Variants in MME observed in about 807,000 individuals in gnomAD.
The protein encoded by MME is membrane metalloendopeptidase.
A neutral mutation model predicts 113.2 loss-of-function variants in MME; 98 were observed. The observed-to-expected ratio is 0.87, with a 90% CI of 0.74 to 1.02. The LOEUF is 1.02. Ranked by LOEUF, MME falls within the 50% of genes least tolerant of loss-of-function variation. MME has a pLI of 0.00. For synonymous variants in MME, 292 were observed against 300.6 expected, an observed-to-expected ratio of 0.97 and a Z score of 0.30; for missense variants, 836 against 896.0, an observed-to-expected ratio of 0.93 and a Z score of 0.86.
chr3:155,168,910 A>T, intron 20 of MME, 113 bp downstream of exon 20: 3 of 880,404 alleles, frequency 3.4e-6, no homozygotes, highest in Non-Finnish European at 5.4e-6. Context: ...GTAAATGATG[A>T]ATAGAAAATG....
chr3:155,088,457 G>T (rs1021965624), intron 3 of MME, among the ~76,000 whole-genome samples: 2 of 152,120 alleles, frequency 1.3e-5, no homozygotes, highest in Non-Finnish European at 2.9e-5. Context: ...GCTGAGGCGG[G>T]CAGATCACCT....
rs3839086 is a variant in MME, at chr3:155,117,605, T to G, written c.654+619T>G. On this transcript the variant is annotated intron_variant, in intron 7 of 22. Coordinates refer to ENST00000360490, the MANE Select transcript of MME (RefSeq NM_007289.4). ...TTTCTTCCTTTTTTTTTTTGTTTTT[T>G]TTTTTTTTTGGTTTCCTGTGTAAGA... Among the ~76,000 whole-genome samples the G allele has an allele frequency of 8.2e-4, 50 of 61,126 alleles. No individual in the cohort carries two copies. The South Asian group carries it at 0.011, about 14-fold the overall frequency. The allele number at this position is 61,126 out of a possible 152,430, so 40.1% of individuals were successfully genotyped here. A position where few individuals can be genotyped will look rare whatever the true frequency, so the allele number is the denominator to read the frequency against.
intron 10 of MME, among the ~76,000 whole-genome samples, chr3:155,140,652 C>T (rs1721008250): frequency 6.6e-6 from 1 of 151,994 alleles, no homozygotes; most frequent in African/African-American, 2.4e-5. Flanking sequence ...GAGTGATCTG[C>T]CGGCCACAGC....
At chr3:155,117,009 T>C (rs1353499552) in intron 7 of MME, 23 bp downstream of exon 7, 6 of 1,227,850 alleles carry the variant, frequency 4.9e-6, no homozygotes, top group Non-Finnish European at 7.2e-6. Context: ...GTCAAATAAC[T>C]AAAGTTACCT....
intron 1 of MME, among the ~76,000 whole-genome samples, chr3:155,052,467 C>CTT (rs1243835585): frequency 6.6e-6 from 1 of 152,250 alleles, no homozygotes; most frequent in African/African-American, 2.4e-5. Context: ...CAATCCTTGT[C>CTT]TTTTGTGCAC....
intron 4 of MME, among the ~76,000 whole-genome samples, chr3:155,115,715 T>G (rs1369274277): frequency 1.3e-5 from 2 of 152,166 alleles, no homozygotes; most frequent in Non-Finnish European, 2.9e-5. Context: ...TGTGAGCCAC[T>G]ATGCCCAGCC....
At chr3:155,075,538 T>TTTTTC (rs1241295260), upstream of MME, among the ~76,000 whole-genome samples, 8 of 152,218 alleles carry the variant, frequency 5.3e-5, no homozygotes, top group Non-Finnish European at 1.0e-4. Flanking sequence ...TTAATTTTGT[T>TTTTTC]TTTTCTTTCT....
intron 8 of MME, among the ~76,000 whole-genome samples, chr3:155,133,062 A>AATATGTATATATATATATATATATATAT (rs1720289393): frequency 2.0e-4 from 15 of 75,076 alleles, no homozygotes; most frequent in African/African-American, 9.9e-4. Context: ...AAAAAAAAAA[A>AATATGTATATATATATATATATATATAT]ATATATATAT....
At chr3:155,038,531 G>A (rs756102584) in intron 1 of MME, among the ~76,000 whole-genome samples, 23 of 152,000 alleles carry the variant, frequency 1.5e-4, no homozygotes, top group Non-Finnish European at 3.2e-4. Context: ...TATCCTTATT[G>A]AGCAACTAGA....
intron 3 of MME, among the ~76,000 whole-genome samples, chr3:155,088,231 C>G (rs1715941136): frequency 1.3e-5 from 2 of 152,050 alleles, no homozygotes; most frequent in Admixed American, 1.3e-4. Flanking sequence ...CACACACACA[C>G]AGTCTTCTGC....
In MME at chr3:155,180,587, C is replaced by A. The variant is rs1712996722; in HGVS notation, c.*128C>A. The A allele has an allele frequency of 2.7e-6, 2 of 751,358 alleles. No individual in the cohort carries two copies. The highest frequency in any genetic ancestry group is 4.9e-6 in the Non-Finnish European group (2 of 410,578). The allele number at this position is 751,358 out of a possible 1,614,324, so 46.5% of individuals were successfully genotyped here. A position where few individuals can be genotyped will look rare whatever the true frequency, so the allele number is the denominator to read the frequency against. On this transcript the variant is annotated 3_prime_UTR_variant, in exon 23 of 23. Transcript: ENST00000360490. ...ACTTGAGGGTGATTAACAGAGAGGG[C>A]ACCATCACAATACAGATAACATTAG... is the stretch of plus-strand genomic sequence containing the variant.
At chr3:155,115,370 G>A (rs900776821) in intron 4 of MME, among the ~76,000 whole-genome samples, 3 of 152,148 alleles carry the variant, frequency 2.0e-5, no homozygotes, top group Non-Finnish European at 4.4e-5. Flanking sequence ...TCATTTGTAG[G>A]TATGCAAATA....
intron 1 of MME, among the ~76,000 whole-genome samples, chr3:155,059,561 C>G (rs995258719): frequency 1.3e-5 from 2 of 151,982 alleles, no homozygotes; most frequent in African/African-American, 4.8e-5. Context: ...TAACTTGCAT[C>G]GAGGAGACAA....
intron 1 of MME, among the ~76,000 whole-genome samples, chr3:155,030,284 A>G (rs892017303): frequency 6.6e-6 from 1 of 152,108 alleles, no homozygotes; most frequent in Admixed American, 6.6e-5. Flanking sequence ...ACAAATGGAG[A>G]TTTTCTTTGT....
upstream of MME, among the ~76,000 whole-genome samples, chr3:155,077,413 G>A (rs995945650): frequency 6.6e-6 from 1 of 152,112 alleles, no homozygotes; most frequent in African/African-American, 2.4e-5. Context: ...GACCACCTCA[G>A]TAAGCCTCAG....
chr3:155,062,741 A>G (rs1714189156), intron 1 of MME, among the ~76,000 whole-genome samples: 1 of 152,102 alleles, frequency 6.6e-6, no homozygotes, highest in Non-Finnish European at 1.5e-5. Context: ...AAATATTGAC[A>G]CACAAATGGA....
chr3:155,070,501 G>A (rs1714515997), intron 1 of MME, among the ~76,000 whole-genome samples: 2 of 152,166 alleles, frequency 1.3e-5, no homozygotes, highest in Admixed American at 6.5e-5. Context: ...AAGAATGCTT[G>A]TGGTAAGAAT....
intron 1 of MME, among the ~76,000 whole-genome samples, chr3:155,053,770 A>G (rs1157583380): frequency 6.6e-6 from 1 of 152,196 alleles, no homozygotes; most frequent in African/African-American, 2.4e-5. Flanking sequence ...CTTTAAGAGA[A>G]AGGAAGAATT....
intron 3 of MME, among the ~76,000 whole-genome samples, chr3:155,099,985 G>T (rs1717064340): frequency 6.6e-6 from 1 of 152,142 alleles, no homozygotes; most frequent in Admixed American, 6.5e-5. Context: ...CAGGACATAG[G>T]CATGGGCAAG....
Sources: allele counts gnomAD v4.1 joint callset (sites outside exome capture counted in the v4.1 genomes callset), GRCh38; gene constraint gnomAD v4.1.1; transcripts MANE v1.5; gene names NCBI Gene and HGNC (gene_info 2026-07-23, HGNC 2026-07-21).